The following SVEP1 variants were observed in gnomAD, a reference collection of about 807,000 sequenced individuals.
SVEP1 encodes the protein sushi, von Willebrand factor type A, EGF and pentraxin domain containing 1, also known as sushi, von Willebrand factor type A, EGF and pentraxin domain-containing protein 1.
In SVEP1, 164 loss-of-function variants were observed where a neutral mutation model predicts 367.3. The observed-to-expected ratio is 0.45, with a 90% confidence interval of 0.39 to 0.51. The LOEUF is 0.51. Among genes scored for constraint, SVEP1 ranks in the 20% least tolerant of loss-of-function variants. The probability of loss-of-function intolerance (pLI) is 0.00; values close to 1 mark genes in which losing one functional copy is unlikely to be tolerated. For missense variants in SVEP1, 4,117 were observed against 4,425.3 expected (o/e 0.93, Z 1.98); for synonymous variants, 1,666 against 1,611.6 (o/e 1.03, Z -0.81).
chr9:110,496,686 T>C (rs1021589408), intron 8 of SVEP1, 129 bp downstream of exon 8: 4 of 593,228 alleles, frequency 6.7e-6, no homozygotes, highest in African/African-American at 1.9e-5. Context: ...TCTATCCTAT[T>C]AGTTCTGTCC....
chr9:110,449,580 G>C (rs1459599362), intron 24 of SVEP1, among the ~76,000 whole-genome samples: 4 of 152,178 alleles, frequency 2.6e-5, no homozygotes, highest in African/African-American at 9.7e-5. Context: ...CTACTTGGGA[G>C]GTTGAGGCAG....
intron 5 of SVEP1, among the ~76,000 whole-genome samples, chr9:110,505,125 T>G (rs1829604466): frequency 6.6e-6 from 1 of 152,176 alleles, no homozygotes; most frequent in African/African-American, 2.4e-5. Context: ...TTTCCGCGGT[T>G]CTGCCACCTT....
chr9:110,442,379 T>C (rs978290607), intron 27 of SVEP1: 5 of 152,176 alleles, frequency 3.3e-5, no homozygotes, highest in Non-Finnish European at 5.9e-5. Context: ...CATTCACAAG[T>C]AGATCAATTT....
intron 9 of SVEP1, among the ~76,000 whole-genome samples, chr9:110,486,635 CTT>C (rs1491148895): frequency 5.7e-5 from 6 of 105,934 alleles, no homozygotes; most frequent in African/African-American, 2.2e-4. Flanking sequence ...CCTTCCTTCT[CTT>C]TCTCTCTCTC....
In SVEP1 at chr9:110,397,995, T is replaced by G. The variant is rs1359441694; in HGVS notation, c.9822+2859A>C. ...TTCACAGAATTGGAAAAAACTACTT[T>G]AAAGTTCATATGGAACCAAAAAAGA... On this transcript the variant is annotated intron_variant, in intron 40 of 47. Transcript: ENST00000374469. Among the ~76,000 whole-genome samples, 3 of 143,942 alleles carry G rather than the reference T, an allele frequency of 2.1e-5. No individual in the cohort carries two copies. In the East Asian group the frequency reaches 6.1e-4, roughly 29 times the overall value. The allele number at this position is 143,942 out of a possible 152,430, so 94.4% of individuals were successfully genotyped here.
chr9:110,401,081 T>C, intron 39 of SVEP1, 72 bp from the exon 40 acceptor site: 1 of 1,547,864 alleles, frequency 6.5e-7, no homozygotes, highest in Admixed American at 1.9e-5. Flanking sequence ...TTTGCAAATA[T>C]TGGTTATTTG....
chr9:110,398,366 G>A (rs1313982847), intron 40 of SVEP1, among the ~76,000 whole-genome samples: 4 of 152,134 alleles, frequency 2.6e-5, no homozygotes, highest in South Asian at 2.1e-4. Context: ...AGACTTAAAT[G>A]TTAGACCTAA....
chr9:110,410,277 A>G lies in SVEP1; in HGVS notation c.6648+786T>C, dbSNP rs1007092058. ...CCTTGATTTGGGGGAATAGATTCTC[A>G]TTCCTATTTTCTTGGTAGGCTTATT... On this transcript the variant is annotated intron_variant, in intron 37 of 47. Transcript: ENST00000374469. Among the ~76,000 whole-genome samples the G allele has an allele frequency of 3.9e-5, 6 of 152,314 alleles. No homozygotes were observed. In the East Asian group the frequency reaches 1.2e-3, roughly 29 times the overall value.
Position 110,483,630 on chromosome 9 carries a change from A to G in SVEP1, c.1994T>C (p.Val665Ala), listed in dbSNP as rs1453451067. The G allele has an allele frequency of 6.2e-7, 1 of 1,612,408 alleles. No individual in the cohort carries two copies. The highest frequency in any genetic ancestry group is 2.2e-5 in the East Asian group (1 of 44,788). The change falls in exon 10 of 48, where the codon GTA (valine) becomes GCA (alanine). Residue 665 changes from valine (V) to alanine (A), a missense_variant. By Grantham distance (64) the Val-to-Ala change is moderately conservative (BLOSUM62 0). Transcript: ENST00000374469. ...SPPPVQVSEK[V>A]HAASWDEPQF... ...AGGCTCATCCCAGCTTGCGGCATGT[A>G]CCTTCTCCGAGACCTGGACGGGAGG...
chr9:110,515,281 T>C, intron 3 of SVEP1, among the ~76,000 whole-genome samples: 1 of 150,848 alleles, frequency 6.6e-6, no homozygotes. Flanking sequence ...CCAAGCAATG[T>C]GCATTTATGT....
chr9:110,429,190 C>T lies in SVEP1; in HGVS notation c.5760G>A (p.Gly1920=). ...NINNGKYILS[G]LTYLSTASYS... ...ATGATGCAGTAGAAAGGTAGGTAAGCCCACTCAAAATATATTTTCCATTAT... is the reference window on the plus strand; with the variant it reads ...ATGATGCAGTAGAAAGGTAGGTAAGTCCACTCAAAATATATTTTCCATTAT... Residue 1920 remains glycine, a synonymous_variant, in exon 35 of 48, where the codon GGG becomes GGA. Transcript: ENST00000374469. The T allele has an allele frequency of 6.3e-7, 1 of 1,598,968 alleles. No individual in the cohort carries two copies. The highest frequency in any genetic ancestry group is 8.5e-7 in the Non-Finnish European group (1 of 1,172,122).
chr9:110,459,134 C>G, intron 18 of SVEP1, 21 bp from the exon 19 acceptor site: 1 of 1,609,516 alleles, frequency 6.2e-7, no homozygotes, highest in African/African-American at 1.3e-5. Flanking sequence ...AAAAACAAAT[C>G]ATATGTGCAT....
At position 110,411,130 on chromosome 9, in the gene SVEP1, C is replaced by T. The variant is rs1267643445; in HGVS notation, c.6581G>A (p.Ser2194Asn). Reference protein sequence around the residue: ...STCEATGQWSSPIPTCHPVSC... With the variant: ...STCEATGQWSNPIPTCHPVSC... ...TACCGGGTGGCACGTCGGTATAGGA[C>T]TACTCCACTGCCCTGTGGCTTCGCA... is the stretch of plus-strand genomic sequence containing the variant. The change falls in exon 37 of 48, where the codon AGT becomes AAT. Residue 2194 changes from serine to asparagine, a missense_variant. Physicochemically the swap from Ser to Asn is conservative, Grantham distance 46 (BLOSUM62 1). This residue lies in a region of SVEP1 where 1,765 missense variants were observed against 1,781.1 expected (regional missense o/e 0.99). Transcript: ENST00000374469. 1 of 1,613,650 alleles carries T rather than the reference C, an allele frequency of 6.2e-7. No individual in the cohort carries two copies. Among genetic ancestry groups the T allele is most frequent in the Non-Finnish European group, 8.5e-7 (1 of 1,179,760 alleles).
intron 1 of SVEP1, among the ~76,000 whole-genome samples, chr9:110,555,001 A>G (rs765581318): frequency 3.9e-5 from 6 of 152,180 alleles, no homozygotes; most frequent in Admixed American, 2.0e-4. Context: ...GTATGCCAAG[A>G]GGTGGAAAGT....
At chr9:110,569,444 G>A (rs1173144349) in intron 1 of SVEP1, among the ~76,000 whole-genome samples, 1 of 118,072 alleles carries the variant, frequency 8.5e-6, no homozygotes, top group Admixed American at 9.9e-5. Context: ...CAACAAGAGT[G>A]AAACTCAGTC....
rs144366417 is a variant in SVEP1, at chr9:110,489,908, C to A, written c.1801-129G>T. On this transcript the variant is annotated intron_variant, in intron 8 of 47. Transcript: ENST00000374469. ...CAAAGAGGAAAGGAAAAAGGCACAGCTTTCTGGCATATTTCTTTCCAGATT... is the reference window on the plus strand; with the variant it reads ...CAAAGAGGAAAGGAAAAAGGCACAGATTTCTGGCATATTTCTTTCCAGATT... The A allele has an allele frequency of 1.3e-3, 1,521 of 1,133,262 alleles. 15 individuals are homozygous for A. The African/African-American group carries it at 0.022, about 17-fold the overall frequency. 70.2% of individuals were successfully genotyped at this position (1,133,262 alleles called of 1,614,324 possible). A position where few individuals can be genotyped will look rare whatever the true frequency, so the allele number is the denominator to read the frequency against.
intron 47 of SVEP1, among the ~76,000 whole-genome samples, chr9:110,368,281 T>C (rs1827228265): frequency 6.6e-6 from 1 of 152,172 alleles, no homozygotes; most frequent in African/African-American, 2.4e-5. Flanking sequence ...GGTCCCTCTA[T>C]TGTGATAATA....
chr9:110,487,992 G>A (rs1829309168), intron 9 of SVEP1, among the ~76,000 whole-genome samples: 1 of 152,154 alleles, frequency 6.6e-6, no homozygotes, highest in African/African-American at 2.4e-5. Flanking sequence ...GACCAATTGA[G>A]AGATGATACG....
At chr9:110,482,859 TG>T in intron 10 of SVEP1, among the ~76,000 whole-genome samples, 1 of 152,312 alleles carries the variant, frequency 6.6e-6, no homozygotes, top group Non-Finnish European at 1.5e-5. Context: ...TTATTTAATT[TG>T]AAGTTTCATG....
Sources: allele counts gnomAD v4.1 joint callset (sites outside exome capture counted in the v4.1 genomes callset), GRCh38; gene constraint gnomAD v4.1.1; regional missense constraint gnomAD v4.1.1; transcripts MANE v1.5; gene names NCBI Gene and HGNC (gene_info 2026-07-23, HGNC 2026-07-21).